Variants in RYR2 observed in about 807,000 individuals in gnomAD.
The protein encoded by RYR2 is ryanodine receptor 2, also known as cardiac muscle ryanodine receptor-calcium release channel.
Under a neutral mutation model 601.1 loss-of-function variants are expected in RYR2, and 227 were observed. The ratio of observed to expected loss-of-function variants is 0.38; its 90% CI spans 0.34 to 0.42. RYR2 has a LOEUF of 0.42. Ranked by LOEUF, RYR2 falls within the 10% of genes least tolerant of loss-of-function variation. The pLI is 1.00. For missense variants in RYR2, 4,646 were observed against 6,156.5 expected (o/e 0.75, Z 8.21); for synonymous variants, 2,223 against 2,175.1 (o/e 1.02, Z -0.61).
chr1:237,367,516 C>T lies in RYR2; in HGVS notation c.310-2018C>T, dbSNP rs115755949. On this transcript the variant is annotated intron_variant, in intron 5 of 104. Coordinates refer to ENST00000366574, the MANE Select transcript of RYR2 (RefSeq NM_001035.3). Reference sequence around the variant, plus strand: ...TATTTTGAGAAACTATATGGAACAACAAGAATGTGATATTTGTTTAATAAA... The same window carrying T: ...TATTTTGAGAAACTATATGGAACAATAAGAATGTGATATTTGTTTAATAAA... 3.5e-3 allele frequency among the ~76,000 whole-genome samples: 532 copies of T among 152,204 alleles called. 7 individuals are homozygous for T. Among genetic ancestry groups the T allele is most frequent in the Non-Finnish European group, 4.4e-3 (302 of 68,006 alleles).
At chr1:237,736,567 G>T (rs745308066) in intron 79 of RYR2, among the ~76,000 whole-genome samples, 3 of 152,006 alleles carry the variant, frequency 2.0e-5, no homozygotes, top group East Asian at 1.9e-4. Context: ...TTATTTGCTC[G>T]CTCTCTCTCT....
chr1:237,437,006 G>A (rs1224056600), intron 12 of RYR2, among the ~76,000 whole-genome samples: 1 of 150,502 alleles, frequency 6.6e-6, no homozygotes, highest in African/African-American at 2.4e-5. Flanking sequence ...CAGACCAATC[G>A]TTTTTACATC....
At chr1:237,121,838 T>A (rs138697245) in intron 1 of RYR2, among the ~76,000 whole-genome samples, 1 of 152,202 alleles carries the variant, frequency 6.6e-6, no homozygotes, top group African/African-American at 2.4e-5. Flanking sequence ...AGATATGGGA[T>A]ATAAAAATTT....
At chr1:237,742,423 A>G (rs376008620) in intron 80 of RYR2, 74 bp downstream of exon 80, 1,911 of 1,109,022 alleles carry the variant, frequency 1.7e-3, no homozygotes, top group Non-Finnish European at 2.3e-3. Context: ...ACTGACATTT[A>G]TGTTTCTTGC....
At chr1:237,752,156 C>T (rs1692586026) in intron 80 of RYR2, among the ~76,000 whole-genome samples, 1 of 152,126 alleles carries the variant, frequency 6.6e-6, no homozygotes, top group Non-Finnish European at 1.5e-5. Flanking sequence ...AGAAAGCCCG[C>T]TCTCTTCATG....
rs566489425 is a variant in RYR2, at chr1:237,246,980, C to G, written c.49-23517C>G. On this transcript the variant is annotated intron_variant, in intron 1 of 104. Transcript: ENST00000366574. ...TTTCGTCTCAGTTACCACCTTATTT[C>G]TTGTGGTCCTACATATTATTTTGCG... Among the ~76,000 whole-genome samples, 3 of 152,266 alleles carry G rather than the reference C, an allele frequency of 2.0e-5. No homozygotes were observed. In the East Asian group the frequency reaches 5.8e-4, roughly 29 times the overall value.
rs55747600 is a variant in RYR2, at chr1:237,061,211, T to TTCTATCTATCTATCTA, written c.48+18669_48+18684dup. ...TTAGCCTGTTTTAAAAATACGGTTG[T>TTCTATCTATCTATCTA]TCTATCTATCTATCTATCTATCTAT... On this transcript the variant is annotated intron_variant, in intron 1 of 104. Transcript: ENST00000366574. 4.0e-3 allele frequency among the ~76,000 whole-genome samples: 415 copies of TTCTATCTATCTATCTA among 104,066 alleles called. 7 individuals carry two copies. Among genetic ancestry groups the TTCTATCTATCTATCTA allele is most frequent in the African/African-American group, 7.5e-3 (218 of 29,226 alleles). The allele number at this position is 104,066 out of a possible 152,430, so 68.3% of individuals were successfully genotyped here.
intron 80 of RYR2, among the ~76,000 whole-genome samples, chr1:237,748,432 G>A (rs1301889776): frequency 6.6e-6 from 1 of 152,148 alleles, no homozygotes; most frequent in Non-Finnish European, 1.5e-5. Context: ...CCCTGGGGAA[G>A]CCAGAGCTGC....
intron 1 of RYR2, among the ~76,000 whole-genome samples, chr1:237,139,660 T>C (rs73117641): frequency 0.044 from 6,747 of 152,292 alleles, 471 homozygotes; most frequent in African/African-American, 0.15. Flanking sequence ...GTCTATCTCA[T>C]GGGTTCCTTT....
At chr1:237,149,354 G>A (rs1485923159) in intron 1 of RYR2, among the ~76,000 whole-genome samples, 3 of 151,974 alleles carry the variant, frequency 2.0e-5, no homozygotes, top group South Asian at 2.1e-4. Flanking sequence ...AAAAACCCCC[G>A]AAAACAAAGC....
At chr1:237,589,226 C>G (rs901381254) in intron 29 of RYR2, among the ~76,000 whole-genome samples, 1 of 152,034 alleles carries the variant, frequency 6.6e-6, no homozygotes, top group African/African-American at 2.4e-5. Flanking sequence ...AGAAAAAAAG[C>G]AAAATTTTCT....
At chr1:237,422,617 G>A (rs772705579) in intron 11 of RYR2, among the ~76,000 whole-genome samples, 3 of 152,074 alleles carry the variant, frequency 2.0e-5, no homozygotes, top group Non-Finnish European at 1.5e-5. Context: ...TTATATATAT[G>A]AGTTCCAATT....
intron 2 of RYR2, among the ~76,000 whole-genome samples, chr1:237,300,112 C>T (rs1005958898): frequency 5.9e-5 from 9 of 152,088 alleles, no homozygotes; most frequent in African/African-American, 2.2e-4. Flanking sequence ...TACAAGTCAC[C>T]TGATATGAAA....
intron 8 of RYR2, among the ~76,000 whole-genome samples, chr1:237,384,032 C>T (rs1034991253): frequency 6.6e-6 from 1 of 152,208 alleles, no homozygotes; most frequent in Non-Finnish European, 1.5e-5. Flanking sequence ...TTGCATACCA[C>T]AAGCCTGACG....
At chr1:237,104,231 G>A (rs1009436873) in intron 1 of RYR2, among the ~76,000 whole-genome samples, 4 of 152,118 alleles carry the variant, frequency 2.6e-5, no homozygotes, top group East Asian at 1.9e-4. Context: ...TTTGGCCGGC[G>A]TTCCCTTTGC....
intron 1 of RYR2, among the ~76,000 whole-genome samples, chr1:237,147,273 A>G (rs1026031568): frequency 2.6e-5 from 4 of 152,214 alleles, no homozygotes; most frequent in African/African-American, 9.6e-5. Context: ...AATTAAGCAG[A>G]TAAGTGAGAA....
chr1:237,114,231 A>G (rs1471226105), intron 1 of RYR2, among the ~76,000 whole-genome samples: 3 of 152,334 alleles, frequency 2.0e-5, no homozygotes, highest in Admixed American at 6.5e-5. Context: ...GGCCTGGTCA[A>G]TATTACTAGG....
At chr1:237,810,853 G>A (rs573184865) in intron 100 of RYR2, among the ~76,000 whole-genome samples, 1 of 151,878 alleles carries the variant, frequency 6.6e-6, no homozygotes, top group Non-Finnish European at 1.5e-5. Flanking sequence ...ACAAGATCTT[G>A]GATCAGTAAT....
chr1:237,797,299 ATGAT>A (rs67914134), intron 96 of RYR2, among the ~76,000 whole-genome samples: 8,483 of 152,142 alleles, frequency 0.056, 314 homozygotes, highest in African/African-American at 0.1. Flanking sequence ...AATTATTCTA[ATGAT>A]TGATAGACAT....
Sources: gnomAD v4.1 joint callset for allele counts (sites outside exome capture counted in the v4.1 genomes callset) on GRCh38, gnomAD v4.1.1 for gene constraint, MANE v1.5 for transcripts, NCBI Gene and HGNC (gene_info 2026-07-23, HGNC 2026-07-21) for gene names.